Variants in ANO4 observed in about 807,000 individuals in gnomAD.
ANO4 encodes anoctamin 4.
A neutral mutation model predicts 141.9 loss-of-function variants in ANO4; 69 were observed. That is an observed-to-expected ratio of 0.49 (90% CI 0.40 to 0.59). The LOEUF is 0.59. Ranked by LOEUF, ANO4 falls within the 20% of genes least tolerant of loss-of-function variation. The probability of loss-of-function intolerance (pLI) is 0.00; values close to 1 mark genes in which losing one functional copy is unlikely to be tolerated. For missense variants in ANO4, 894 were observed against 1,162.2 expected, an observed-to-expected ratio of 0.77 and a Z score of 3.36; for synonymous variants, 350 against 394.3, an observed-to-expected ratio of 0.89 and a Z score of 1.33.
chr12:100,844,123 A>C (rs2037433898), intron 1 of ANO4, among the ~76,000 whole-genome samples: 1 of 152,096 alleles, frequency 6.6e-6, no homozygotes, highest in Non-Finnish European at 1.5e-5. Flanking sequence ...TACACTGTAC[A>C]GGAGGGGATT....
At chr12:100,796,729 C>T (rs996785249) in intron 1 of ANO4, among the ~76,000 whole-genome samples, 4 of 152,090 alleles carry the variant, frequency 2.6e-5, no homozygotes, top group African/African-American at 9.7e-5. Flanking sequence ...TGGTTCGCGG[C>T]AATACTGTAT....
intron 1 of ANO4, among the ~76,000 whole-genome samples, chr12:100,795,617 A>G (rs2034258830): frequency 6.6e-6 from 1 of 152,132 alleles, no homozygotes; most frequent in South Asian, 2.1e-4. Flanking sequence ...GACGGAGTAG[A>G]CTGCATGACC....
chr12:100,858,637 C>A (rs2038309448), intron 1 of ANO4, among the ~76,000 whole-genome samples: 1 of 152,054 alleles, frequency 6.6e-6, no homozygotes, highest in Non-Finnish European at 1.5e-5. Context: ...TTGCCTGGTT[C>A]TCCACTCAAA....
intron 1 of ANO4, among the ~76,000 whole-genome samples, chr12:100,821,817 C>T (rs2036070014): frequency 6.6e-6 from 1 of 151,924 alleles, no homozygotes; most frequent in African/African-American, 2.4e-5. Flanking sequence ...CATTTTTGTA[C>T]ATATATCTTA....
chr12:100,724,028 CAAAA>C (rs143254947), intron 1 of ANO4, among the ~76,000 whole-genome samples: 1 of 146,848 alleles, frequency 6.8e-6, no homozygotes, highest in African/African-American at 2.6e-5. Context: ...AAACAAAAAA[CAAAA>C]AAACAAAAAA....
chr12:101,127,217 G>A, intron 27 of ANO4, 143 bp downstream of exon 27: 4 of 929,766 alleles, frequency 4.3e-6, no homozygotes, highest in Non-Finnish European at 4.7e-6. Context: ...AAAGAAGCTT[G>A]TTTTTTACTT....
chr12:101,058,957 G>T (rs1254340584), intron 14 of ANO4, among the ~76,000 whole-genome samples: 1 of 152,120 alleles, frequency 6.6e-6, no homozygotes, highest in Non-Finnish European at 1.5e-5. Context: ...TGAAGGGAAT[G>T]CTTCCAGCTT....
At chr12:101,076,470 C>G (rs1325613576) in intron 14 of ANO4, among the ~76,000 whole-genome samples, 2 of 152,194 alleles carry the variant, frequency 1.3e-5, no homozygotes, top group Non-Finnish European at 2.9e-5. Context: ...CCTGAACAGA[C>G]TAACACAGGG....
chr12:100,726,754 C>A (rs1281646454), intron 1 of ANO4, among the ~76,000 whole-genome samples: 1 of 151,888 alleles, frequency 6.6e-6, no homozygotes, highest in Non-Finnish European at 1.5e-5. Flanking sequence ...TATAAAGTGG[C>A]CCTGGTTAAA....
chr12:101,085,829 C>T (rs757075283), intron 16 of ANO4, among the ~76,000 whole-genome samples: 1 of 152,124 alleles, frequency 6.6e-6, no homozygotes, highest in African/African-American at 2.4e-5. Context: ...TGCTAAGGTG[C>T]TGTAGAAACC....
intron 1 of ANO4, among the ~76,000 whole-genome samples, chr12:100,900,476 A>G (rs1017885728): frequency 1.2e-5 from 1 of 83,274 alleles, no homozygotes; most frequent in Non-Finnish European, 2.2e-5. Flanking sequence ...GACAGGCCCC[A>G]GTGTGTGATG....
intron 1 of ANO4, among the ~76,000 whole-genome samples, chr12:100,820,032 A>C (rs1031101920): frequency 6.6e-6 from 1 of 151,906 alleles, no homozygotes; most frequent in African/African-American, 2.4e-5. Flanking sequence ...ACCTTTCTGC[A>C]TATTATAGGC....
intron 3 of ANO4, among the ~76,000 whole-genome samples, chr12:100,928,926 C>T (rs918201523): frequency 1.3e-5 from 2 of 152,128 alleles, no homozygotes; most frequent in African/African-American, 2.4e-5. Context: ...GTTTTATAAA[C>T]ATTGCCATTA....
chr12:100,944,337 T>C (rs1224985990), intron 5 of ANO4, among the ~76,000 whole-genome samples: 2 of 152,068 alleles, frequency 1.3e-5, no homozygotes, highest in East Asian at 3.9e-4. Flanking sequence ...CTTGTACGAT[T>C]TTGTCTATAT....
chr12:100,952,035 T>G (rs2042990136), intron 5 of ANO4, among the ~76,000 whole-genome samples: 4 of 152,238 alleles, frequency 2.6e-5, no homozygotes, highest in African/African-American at 7.2e-5. Context: ...ATCCCTGGGT[T>G]TGACCCTTGA....
intron 1 of ANO4, among the ~76,000 whole-genome samples, chr12:100,856,096 C>T (rs901757346): frequency 1.8e-4 from 28 of 152,076 alleles, no homozygotes; most frequent in Admixed American, 3.3e-4. Context: ...AAAAAGTCTA[C>T]AGTGCATTTG....
intron 1 of ANO4, among the ~76,000 whole-genome samples, chr12:100,796,176 G>C (rs2034307437): frequency 6.6e-6 from 1 of 151,916 alleles, no homozygotes; most frequent in Non-Finnish European, 1.5e-5. Flanking sequence ...ATTTGTGTAG[G>C]TTTTTCCATT....
chr12:101,114,494 G>C (rs147674266), intron 24 of ANO4, among the ~76,000 whole-genome samples: 1 of 152,276 alleles, frequency 6.6e-6, no homozygotes, highest in African/African-American at 2.4e-5. Context: ...TGTCATTCAT[G>C]CATTAGGTCC....
chr12:100,847,235 T>G (rs1054310504), intron 1 of ANO4, among the ~76,000 whole-genome samples: 3 of 152,164 alleles, frequency 2.0e-5, no homozygotes, highest in Non-Finnish European at 4.4e-5. Flanking sequence ...ATTGAATGAG[T>G]GAATGAATAC....
Sources: allele counts gnomAD v4.1 joint callset (sites outside exome capture counted in the v4.1 genomes callset), GRCh38; gene constraint gnomAD v4.1.1; transcripts MANE v1.5; gene names NCBI Gene and HGNC (gene_info 2026-07-23, HGNC 2026-07-21).